The following SPP2 variants were observed in gnomAD, a reference collection of about 807,000 sequenced individuals.
SPP2 encodes the protein secreted phosphoprotein 2.
Under a neutral mutation model 28.8 loss-of-function variants are expected in SPP2, and 34 were observed. The ratio of observed to expected loss-of-function variants is 1.18; its 90% CI spans 0.90 to 1.57. The LOEUF (loss-of-function observed/expected upper bound fraction) is 1.57. Among genes scored for constraint, SPP2 ranks in the 40% most tolerant of loss-of-function variants. The pLI is 0.00. For missense variants in SPP2, 269 were observed against 263.9 expected (o/e 1.02, Z -0.13); for synonymous variants, 96 against 89.4 (o/e 1.07, Z -0.42).
intron 4 of SPP2, among the ~76,000 whole-genome samples, chr2:234,066,314 GTAATT>G (rs1693817096): frequency 6.6e-6 from 1 of 152,152 alleles, no homozygotes; most frequent in Admixed American, 6.5e-5. Flanking sequence ...AGATCTGTGG[GTAATT>G]TAAACTTCAC....
At position 234,066,472 on chromosome 2, in the gene SPP2, A is replaced by G. The variant is rs577092815; in HGVS notation, c.445-61A>G. Reference sequence around the variant, plus strand: ...CTTCCAGATGACATTTACATTTTTCAGTGTCTTTCCTTTTTCTTTCTTTCA... The same window carrying G: ...CTTCCAGATGACATTTACATTTTTCGGTGTCTTTCCTTTTTCTTTCTTTCA... On this transcript the variant is annotated intron_variant, in intron 4 of 7. Coordinates refer to ENST00000168148, the MANE Select transcript of SPP2 (RefSeq NM_006944.3). 5.3e-4 allele frequency: 725 copies of G among 1,370,402 alleles called. 9 individuals carry two copies. The East Asian group carries it at 0.016, about 29-fold the overall frequency. 84.9% of individuals were successfully genotyped at this position (1,370,402 alleles called of 1,614,324 possible). A position where few individuals can be genotyped will look rare whatever the true frequency, so the allele number is the denominator to read the frequency against.
chr2:234,056,740 C>T (rs1239189271), intron 2 of SPP2, among the ~76,000 whole-genome samples: 1 of 151,928 alleles, frequency 6.6e-6, no homozygotes, highest in Non-Finnish European at 1.5e-5. Flanking sequence ...ACAGATTTAA[C>T]GTTCAATATA....
chr2:234,070,972 C>T (rs1690765795), intron 7 of SPP2, among the ~76,000 whole-genome samples: 1 of 152,100 alleles, frequency 6.6e-6, no homozygotes, highest in Non-Finnish European at 1.5e-5. Context: ...CATTGTGTAT[C>T]CTGGGTGTCC....
At chr2:234,073,912 A>G (rs2125475168) in intron 7 of SPP2, among the ~76,000 whole-genome samples, 1 of 152,364 alleles carries the variant, frequency 6.6e-6, no homozygotes, top group Non-Finnish European at 1.5e-5. Flanking sequence ...ACAAATGTTC[A>G]TTAAATGCCC....
chr2:234,067,376 A>T, intron 6 of SPP2, 102 bp downstream of exon 6: 1 of 1,007,528 alleles, frequency 9.9e-7, no homozygotes. Flanking sequence ...ATAGGAGTTA[A>T]ATCTCTGAAA....
Position 234,069,967 on chromosome 2 carries a change from A to G in SPP2, c.590A>G (p.Tyr197Cys), listed in dbSNP as rs1693901466. Residue 197 changes from tyrosine (Y) to cysteine (C), a missense_variant, in exon 7 of 8, where the codon TAC (tyrosine) becomes TGC (cysteine). Tyr to Cys is a radical substitution (Grantham distance 194). Coordinates refer to ENST00000168148, the MANE Select transcript of SPP2 (RefSeq NM_006944.3). ...RRVLPPGNRR[Y>C]PNHRHRARIN... Reference sequence around the variant, plus strand: ...GTATTGCCTCCTGGAAACAGAAGGTACCCAAACCACCGGCACAGAGCAAGA... The same window carrying G: ...GTATTGCCTCCTGGAAACAGAAGGTGCCCAAACCACCGGCACAGAGCAAGA... 6.2e-7 allele frequency: 1 copy of G among 1,613,582 alleles called. No homozygotes were observed. Among genetic ancestry groups the G allele is most frequent in the East Asian group, 2.2e-5 (1 of 44,880 alleles).
At chr2:234,061,186 A>T (rs1167692250) in intron 4 of SPP2, among the ~76,000 whole-genome samples, 1 of 152,172 alleles carries the variant, frequency 6.6e-6, no homozygotes, top group Non-Finnish European at 1.5e-5. Flanking sequence ...AATAATATAT[A>T]CATTTTTTCC....
At position 234,067,275 on chromosome 2, in the gene SPP2, G is replaced by A. The variant is rs367801817; in HGVS notation, c.550+1G>A. The A allele has an allele frequency of 3.1e-6, 5 of 1,613,900 alleles. No homozygotes were observed. The Middle Eastern group carries it at 5.0e-4, about 160-fold the overall frequency. On this transcript the variant is annotated splice_donor_variant, in intron 6 of 7. Coordinates refer to ENST00000168148, the MANE Select transcript of SPP2 (RefSeq NM_006944.3). LOFTEE classifies it high-confidence loss of function. Reference sequence around the variant, plus strand: ...GAACAATTTTATGATCGGTCACTTGGTAAGTGATTTCTTTCCTGCTGTGCC... The same window carrying A: ...GAACAATTTTATGATCGGTCACTTGATAAGTGATTTCTTTCCTGCTGTGCC...
chr2:234,062,049 C>T (rs1311091703), intron 4 of SPP2, among the ~76,000 whole-genome samples: 1 of 152,216 alleles, frequency 6.6e-6, no homozygotes, highest in East Asian at 1.9e-4. Context: ...CCAAGCTTAT[C>T]ACTTCACAAG....
chr2:234,061,442 T>A (rs1693716881), intron 4 of SPP2, among the ~76,000 whole-genome samples: 2 of 152,214 alleles, frequency 1.3e-5, no homozygotes, highest in African/African-American at 4.8e-5. Flanking sequence ...TGACATATTA[T>A]TTGTTCATGT....
intron 7 of SPP2, among the ~76,000 whole-genome samples, chr2:234,076,446 C>A (rs1424634004): frequency 6.6e-6 from 1 of 152,208 alleles, no homozygotes; most frequent in East Asian, 1.9e-4. Context: ...AAGCTGTACT[C>A]TAACTACTTC....
chr2:234,053,970 A>G (rs1274123943), intron 2 of SPP2, among the ~76,000 whole-genome samples: 1 of 152,196 alleles, frequency 6.6e-6, no homozygotes, highest in African/African-American at 2.4e-5. Flanking sequence ...GGACACAGTT[A>G]AATAAACCAA....
intron 4 of SPP2, among the ~76,000 whole-genome samples, chr2:234,066,102 T>G (rs1693812809): frequency 6.6e-6 from 1 of 152,210 alleles, no homozygotes; most frequent in South Asian, 2.1e-4. Context: ...ACCACTTTAC[T>G]TTGTGATGAT....
At chr2:234,057,767 A>T (rs954622900) in intron 2 of SPP2, among the ~76,000 whole-genome samples, 3 of 152,260 alleles carry the variant, frequency 2.0e-5, no homozygotes, top group Non-Finnish European at 4.4e-5. Flanking sequence ...ACTCATTCAC[A>T]TATCAGAACT....
chr2:234,058,644 G>A (rs912105995), intron 2 of SPP2, among the ~76,000 whole-genome samples, 192 bp from the exon 3 acceptor site: 14 of 152,148 alleles, frequency 9.2e-5, no homozygotes, highest in African/African-American at 3.4e-4. Flanking sequence ...ACTATTGTAC[G>A]ACTTTGTTAA....
At chr2:234,069,347 C>T (rs1366741202) in intron 6 of SPP2, among the ~76,000 whole-genome samples, 1 of 152,190 alleles carries the variant, frequency 6.6e-6, no homozygotes, top group Non-Finnish European at 1.5e-5. Context: ...TGGGAAGGGA[C>T]TGCCCAGGAG....
chr2:234,056,344 AAATGC>A (rs1685338461), intron 2 of SPP2: 1 of 152,254 alleles, frequency 6.6e-6, no homozygotes, highest in Non-Finnish European at 1.5e-5. Context: ...GCCATCAGAG[AAATGC>A]AAATCAAAAC....
At chr2:234,068,344 G>C (rs1693868426) in intron 6 of SPP2, among the ~76,000 whole-genome samples, 1 of 152,198 alleles carries the variant, frequency 6.6e-6, no homozygotes, top group Admixed American at 6.5e-5. Context: ...TAATTTGCTT[G>C]TGGCTACATT....
intron 3 of SPP2, among the ~76,000 whole-genome samples, chr2:234,059,325 G>A (rs1023220078): frequency 2.6e-5 from 4 of 152,118 alleles, no homozygotes; most frequent in South Asian, 2.1e-4. Context: ...CACATGTCAC[G>A]TTCTTTTGCC....
Sources: allele counts gnomAD v4.1 joint callset (sites outside exome capture counted in the v4.1 genomes callset), GRCh38; gene constraint gnomAD v4.1.1; transcripts MANE v1.5; gene names NCBI Gene and HGNC (gene_info 2026-07-23, HGNC 2026-07-21).